The following ANO3 variants were observed in gnomAD, a reference collection of about 807,000 sequenced individuals.
ANO3 encodes anoctamin-3.
In ANO3, 99 loss-of-function variants were observed where a neutral mutation model predicts 144.8. The observed-to-expected ratio is 0.68, with a 90% CI of 0.58 to 0.81. The LOEUF (loss-of-function observed/expected upper bound fraction) is 0.81. Among genes scored for constraint, ANO3 ranks in the 30% least tolerant of loss-of-function variants. The probability of loss-of-function intolerance (pLI) is 0.00; values close to 1 mark genes in which losing one functional copy is unlikely to be tolerated. For missense variants in ANO3, 905 were observed against 1,202.2 expected, an observed-to-expected ratio of 0.75 and a Z score of 3.66; for synonymous variants, 414 against 392.6, an observed-to-expected ratio of 1.05 and a Z score of -0.64.
chr11:26,278,278 T>G (rs1052822650), intron 1 of ANO3, among the ~76,000 whole-genome samples: 3 of 152,126 alleles, frequency 2.0e-5, no homozygotes, highest in African/African-American at 7.2e-5. Flanking sequence ...GGAAAGAGGC[T>G]CACACTTTTC....
intron 6 of ANO3, among the ~76,000 whole-genome samples, chr11:26,520,240 C>G (rs1447576368): frequency 1.3e-5 from 2 of 152,106 alleles, no homozygotes; most frequent in South Asian, 2.1e-4. Context: ...AAGTGTTGCT[C>G]TGTCCCAAGG....
chr11:26,311,266 G>C (rs1854496811), intron 1 of ANO3, among the ~76,000 whole-genome samples: 1 of 152,148 alleles, frequency 6.6e-6, no homozygotes. Flanking sequence ...ACAACTCTAT[G>C]AGGCCAGTGC....
Position 26,557,477 on chromosome 11 carries a change from A to AT in ANO3, c.1387-2242_1387-2241insT, listed in dbSNP as rs1401869651. Among the ~76,000 whole-genome samples the AT allele has an allele frequency of 4.2e-4, 63 of 150,976 alleles. 1 individual carries two copies. Among genetic ancestry groups the AT allele is most frequent in the South Asian group, 3.2e-3 (15 of 4,734 alleles). Reference sequence around the variant, plus strand: ...CTCTGTCTCAAAAAAAAAAAAAAAAAGTTGAACAAAATGCTTGCCATGGGT... The same window carrying AT: ...CTCTGTCTCAAAAAAAAAAAAAAAAATGTTGAACAAAATGCTTGCCATGGGT... On this transcript the variant is annotated intron_variant, in intron 13 of 26. Transcript: ENST00000256737.
intron 24 of ANO3, among the ~76,000 whole-genome samples, chr11:26,649,240 A>G (rs1221737264): frequency 2.6e-5 from 4 of 152,198 alleles, no homozygotes; most frequent in African/African-American, 9.6e-5. Context: ...ATCTTTTCAG[A>G]TGTATTCTAT....
At chr11:26,365,130 C>T (rs1261566373) in intron 1 of ANO3, among the ~76,000 whole-genome samples, 1 of 152,192 alleles carries the variant, frequency 6.6e-6, no homozygotes, top group Non-Finnish European at 1.5e-5. Context: ...AAGTTTGAAA[C>T]ACAGCAGGGC....
intron 1 of ANO3, among the ~76,000 whole-genome samples, chr11:26,407,076 G>GTGTGTGTATA (rs1304651169): frequency 1.6e-3 from 167 of 101,510 alleles, no homozygotes; most frequent in African/African-American, 4.9e-3. Context: ...GTGTGTGTGT[G>GTGTGTGTATA]TATATATATA....
chr11:26,448,379 T>C (rs1279452021), intron 3 of ANO3, among the ~76,000 whole-genome samples: 5 of 151,532 alleles, frequency 3.3e-5, no homozygotes, highest in African/African-American at 9.7e-5. Context: ...CAAACACACA[T>C]CTGTCTAATC....
At chr11:26,532,068 T>C (rs1402580202) in intron 8 of ANO3, among the ~76,000 whole-genome samples, 2 of 152,222 alleles carry the variant, frequency 1.3e-5, no homozygotes, top group East Asian at 3.8e-4. Context: ...CCTACGTTGC[T>C]ATAGGCCATT....
chr11:26,606,974 A>G (rs2132951456), intron 17 of ANO3, among the ~76,000 whole-genome samples: 1 of 152,266 alleles, frequency 6.6e-6, no homozygotes. Flanking sequence ...GTGGTGATGA[A>G]ATTCCTCAAC....
At chr11:26,647,369 C>A (rs1320359272) in intron 23 of ANO3, among the ~76,000 whole-genome samples, 1 of 152,142 alleles carries the variant, frequency 6.6e-6, no homozygotes, top group Non-Finnish European at 1.5e-5. Context: ...CTTGAAGATT[C>A]TTATGTACTA....
intron 14 of ANO3, among the ~76,000 whole-genome samples, chr11:26,591,498 G>T (rs1851451517): frequency 6.6e-6 from 1 of 152,142 alleles, no homozygotes; most frequent in African/African-American, 2.4e-5. Context: ...AAAGATACAG[G>T]GATTGAAATG....
intron 1 of ANO3, among the ~76,000 whole-genome samples, chr11:26,389,754 GT>G (rs1856827893): frequency 6.6e-6 from 1 of 152,010 alleles, no homozygotes; most frequent in Non-Finnish European, 1.5e-5. Flanking sequence ...TCATTGTGCA[GT>G]TTTTGAAAAG....
At chr11:26,343,035 A>G (rs942715905) in intron 1 of ANO3, among the ~76,000 whole-genome samples, 3 of 152,188 alleles carry the variant, frequency 2.0e-5, no homozygotes, top group African/African-American at 4.8e-5. Context: ...TATATAGTAC[A>G]GTAATATTAA....
In ANO3 at chr11:26,319,292, C is replaced by T. The variant is rs116804532; in HGVS notation, c.-3+9573C>T. On this transcript the variant is annotated intron_variant, in intron 1 of 26. Coordinates refer to the ANO3 transcript ENST00000525139. ...AGGATTACAGGCATGAGCCACTGTG[C>T]CTGGCTTTTTCCCTTTTTTGACTCC... Among the ~76,000 whole-genome samples, 324 of 152,176 alleles carry T rather than the reference C, an allele frequency of 2.1e-3. 2 individuals carry two copies. The highest frequency in any genetic ancestry group is 7.4e-3 in the African/African-American group (307 of 41,506).
intron 1 of ANO3, among the ~76,000 whole-genome samples, chr11:26,267,776 A>C (rs1853346975): frequency 6.6e-6 from 1 of 152,128 alleles, no homozygotes; most frequent in Non-Finnish European, 1.5e-5. Flanking sequence ...ACTTATTTAC[A>C]TAATATTCCC....
At chr11:26,262,550 T>C (rs1335335671) in intron 1 of ANO3, among the ~76,000 whole-genome samples, 2 of 152,140 alleles carry the variant, frequency 1.3e-5, no homozygotes, top group Non-Finnish European at 1.5e-5. Context: ...CGAAATATAA[T>C]AGGTCTTCTG....
At chr11:26,476,072 C>T (rs1859956707) in intron 4 of ANO3, among the ~76,000 whole-genome samples, 1 of 152,074 alleles carries the variant, frequency 6.6e-6, no homozygotes, top group South Asian at 2.1e-4. Context: ...GCAGATAGCA[C>T]ATTTGAGAAC....
chr11:26,331,988 C>A, upstream of ANO3: 1 of 743,332 alleles, frequency 1.3e-6, no homozygotes, highest in Non-Finnish European at 2.1e-6. Flanking sequence ...TCCCAGCCAA[C>A]CCCGCTCAAC....
intron 1 of ANO3, among the ~76,000 whole-genome samples, chr11:26,435,760 C>T (rs185162865): frequency 2.1e-4 from 32 of 152,230 alleles, no homozygotes; most frequent in Non-Finnish European, 3.5e-4. Flanking sequence ...TTCTTTTTTA[C>T]ACCAGCTCTT....
Sources: gnomAD v4.1 joint callset for allele counts (sites outside exome capture counted in the v4.1 genomes callset) on GRCh38, gnomAD v4.1.1 for gene constraint, MANE v1.5 for transcripts, NCBI Gene and HGNC (gene_info 2026-07-23, HGNC 2026-07-21) for gene names.